Variants in FGFR2 observed in about 807,000 individuals in gnomAD.
FGFR2 encodes the protein fibroblast growth factor receptor 2.
Under a neutral mutation model 95.9 loss-of-function variants are expected in FGFR2, and 19 were observed. The ratio of observed to expected loss-of-function variants is 0.20; its 90% CI spans 0.14 to 0.29. The LOEUF is 0.29. FGFR2 is among the 10% of genes least tolerant of loss of function. The pLI, the probability that FGFR2 is intolerant of heterozygous loss-of-function variation, is 1.00. For missense variants in FGFR2, 707 were observed against 1,056.9 expected (o/e 0.67, Z 4.59); for synonymous variants, 392 against 393.3 (o/e 1.00, Z 0.04).
At chr10:121,596,528 G>C (rs1274680000) in intron 1 of FGFR2, 3 of 195,472 alleles carry the variant, frequency 1.5e-5, no homozygotes, top group Non-Finnish European at 3.2e-5. Context: ...AACAGTGTCC[G>C]GCTCCTCCAA....
intron 17 of FGFR2, among the ~76,000 whole-genome samples, chr10:121,482,706 A>T (rs996051836): frequency 6.6e-6 from 1 of 152,144 alleles, no homozygotes. Context: ...TATAAAAGGC[A>T]CTCTATCTGC....
At chr10:121,554,905 A>T (rs1331652453) in intron 4 of FGFR2, among the ~76,000 whole-genome samples, 1 of 152,186 alleles carries the variant, frequency 6.6e-6, no homozygotes, top group Non-Finnish European at 1.5e-5. Flanking sequence ...CCAGGCACTT[A>T]GAACGGGCTC....
rs2133792582 is a variant in FGFR2 at position 121,485,375 on chromosome 10, G to C, written c.2195+20C>G. 1 of 1,614,070 alleles carries C rather than the reference G, an allele frequency of 6.2e-7. No homozygotes were observed. The highest frequency in any genetic ancestry group is 8.5e-7 in the Non-Finnish European group (1 of 1,180,008). ...TGGCAAGTCCACTGGGGCACCGGCA[G>C]GAAAGACAACAGCCCTTACAGTTCG... On this transcript the variant is annotated intron_variant, in intron 16 of 17. Transcript: ENST00000358487. The surrounding 1 kb of genome is among the most constrained non-coding windows in gnomAD (Gnocchi z 4.2).
intron 13 of FGFR2, among the ~76,000 whole-genome samples, chr10:121,489,930 C>A (rs1478062398): frequency 6.6e-6 from 1 of 152,170 alleles, no homozygotes; most frequent in East Asian, 1.9e-4. Context: ...GACTAAGGTT[C>A]CTGAAATGAC....
intron 6 of FGFR2, among the ~76,000 whole-genome samples, chr10:121,528,306 G>T (rs1851651218): frequency 6.6e-6 from 1 of 151,836 alleles, no homozygotes; most frequent in African/African-American, 2.4e-5. Context: ...TCGCTGTAGG[G>T]TTTTTTTTAC....
At chr10:121,551,198 C>T (rs1053067373) in intron 5 of FGFR2, 92 bp downstream of exon 5, 30 of 1,443,276 alleles carry the variant, frequency 2.1e-5, no homozygotes, top group African/African-American at 1.4e-4. Flanking sequence ...CCAGCCTGGG[C>T]GACAGAGCGA....
chr10:121,554,829 G>T (rs557039792), intron 4 of FGFR2, among the ~76,000 whole-genome samples: 2 of 152,168 alleles, frequency 1.3e-5, no homozygotes, highest in African/African-American at 4.8e-5. Context: ...TTTGCAGTTG[G>T]AAAGGACACA....
intron 12 of FGFR2, among the ~76,000 whole-genome samples, chr10:121,497,312 G>A (rs750606125): frequency 3.3e-5 from 5 of 151,990 alleles, no homozygotes; most frequent in African/African-American, 4.8e-5. Flanking sequence ...TGTCACCTGC[G>A]CCCTCTTGGA....
At chr10:121,497,719 G>A (rs1294441973) in intron 12 of FGFR2, among the ~76,000 whole-genome samples, 2 of 152,152 alleles carry the variant, frequency 1.3e-5, no homozygotes, top group African/African-American at 2.4e-5. Flanking sequence ...CCTACCGCCT[G>A]TTTGGGTAAT....
At chr10:121,541,221 C>A (rs1244112444) in intron 5 of FGFR2, among the ~76,000 whole-genome samples, 2 of 152,160 alleles carry the variant, frequency 1.3e-5, no homozygotes, top group Non-Finnish European at 2.9e-5. Context: ...TTGCCCCATG[C>A]AGTGCTGTTA....
In FGFR2 at chr10:121,588,237, C is replaced by T. The variant is rs183301495; in HGVS notation, c.109+5472G>A. 6.2e-4 allele frequency among the ~76,000 whole-genome samples: 91 copies of T among 146,076 alleles called. No individual in the cohort carries two copies. The East Asian group carries it at 0.02, about 32-fold the overall frequency. ...AAAGAACAACAGACACTGAGGTCTA[C>T]TTGAGGGTGGAGGGTGGGTGGGAGG... On this transcript the variant is annotated intron_variant, in intron 2 of 17. Transcript: ENST00000358487.
At chr10:121,498,281 CA>C (rs1847138880) in intron 12 of FGFR2, among the ~76,000 whole-genome samples, 1 of 152,194 alleles carries the variant, frequency 6.6e-6, no homozygotes, top group Admixed American at 6.5e-5. Flanking sequence ...AATCCAAAGT[CA>C]CCTGCACCCT....
At chr10:121,537,375 AAT>A (rs1211745515) in intron 6 of FGFR2, among the ~76,000 whole-genome samples, 2 of 152,248 alleles carry the variant, frequency 1.3e-5, no homozygotes, top group Non-Finnish European at 2.9e-5. Context: ...AGAAAATCAA[AAT>A]AGTTTTGTTT....
chr10:121,516,238 C>T (rs898682781), intron 8 of FGFR2, among the ~76,000 whole-genome samples: 1 of 152,186 alleles, frequency 6.6e-6, no homozygotes, highest in African/African-American at 2.4e-5. Context: ...TTAAGAAGTG[C>T]CAGTTAGGCA....
In FGFR2 at chr10:121,479,910, A is replaced by C; in HGVS notation, c.2413T>G (p.Tyr805Asp). The change falls in exon 18 of 18, where the codon TAC (tyrosine) becomes GAC (aspartate). Residue 805 changes from tyrosine to aspartate, a missense_variant. Tyr to Asp is a radical substitution (Grantham distance 160). Coordinates refer to ENST00000358487, the MANE Select transcript of FGFR2 (RefSeq NM_000141.5). ...GGATACTGAGGAAGGCATGGTTCGTAAGGCATGGGGTCTGGAGAAAAAACA... is the reference window on the plus strand; with the variant it reads ...GGATACTGAGGAAGGCATGGTTCGTCAGGCATGGGGTCTGGAGAAAAAACA... ...DSVFSPDPMP[Y>D]EPCLPQYPHI... is the part of the protein sequence containing the mutation. 2.5e-6 allele frequency: 4 copies of C among 1,614,158 alleles called. No individual in the cohort carries two copies. In the South Asian group the frequency reaches 4.4e-5, roughly 18 times the overall value.
At chr10:121,551,757 T>C (rs1296134818) in intron 4 of FGFR2, among the ~76,000 whole-genome samples, 1 of 152,178 alleles carries the variant, frequency 6.6e-6, no homozygotes, top group African/African-American at 2.4e-5. Flanking sequence ...AATCATGTTT[T>C]AAAATGCTAT....
At chr10:121,568,202 AG>A (rs1857994873) in intron 2 of FGFR2, among the ~76,000 whole-genome samples, 1 of 152,198 alleles carries the variant, frequency 6.6e-6, no homozygotes, top group African/African-American at 2.4e-5. Flanking sequence ...CTAGAGTCAC[AG>A]ATTCACTCAA....
At position 121,577,456 on chromosome 10, in the gene FGFR2, A is replaced by C. The variant is rs560434417; in HGVS notation, c.110-11752T>G. 7.2e-5 allele frequency among the ~76,000 whole-genome samples: 11 copies of C among 152,132 alleles called. No homozygotes were observed. The South Asian group carries it at 1.5e-3, about 20-fold the overall frequency. On this transcript the variant is annotated intron_variant, in intron 2 of 17. Transcript: ENST00000358487. ...TCAGTGTGGAAGGTCAGGAAATGAG[A>C]GAGGAGGGGGCAGGGCTCCTGGTCT...
At chr10:121,547,722 T>C (rs1298517300) in intron 5 of FGFR2, among the ~76,000 whole-genome samples, 1 of 151,982 alleles carries the variant, frequency 6.6e-6, no homozygotes, top group Non-Finnish European at 1.5e-5. Context: ...TCTACGTAGG[T>C]AACGAAGAAA....
Sources: allele counts gnomAD v4.1 joint callset (sites outside exome capture counted in the v4.1 genomes callset), GRCh38; gene constraint gnomAD v4.1.1; non-coding constraint Gnocchi (gnomAD v3.1); transcripts MANE v1.5; gene names NCBI Gene and HGNC (gene_info 2026-07-23, HGNC 2026-07-21).